GATAD2A: variants seen among roughly 807,000 people sequenced by gnomAD.
GATAD2A encodes transcriptional repressor p66-alpha.
GATAD2A carries 12 observed loss-of-function variants against 68.5 expected under a neutral mutation model. The observed-to-expected ratio is 0.18, with a 90% confidence interval of 0.11 to 0.28. The LOEUF is 0.28. Among genes scored for constraint, GATAD2A ranks in the 10% least tolerant of loss-of-function variants. The pLI, the probability that GATAD2A is intolerant of heterozygous loss-of-function variation, is 1.00. For synonymous variants in GATAD2A, 410 were observed against 375.3 expected (o/e 1.09, Z -1.07); for missense variants, 755 against 868.5 (o/e 0.87, Z 1.64).
chr19:19,475,054 G>T (rs1291353432), intron 2 of GATAD2A, among the ~76,000 whole-genome samples: 1 of 152,254 alleles, frequency 6.6e-6, no homozygotes, highest in East Asian at 1.9e-4. Context: ...TATCATCGTT[G>T]TGTTGGCTGC....
At chr19:19,400,895 C>G (rs1468518747), upstream of GATAD2A, among the ~76,000 whole-genome samples, 1 of 152,078 alleles carries the variant, frequency 6.6e-6, no homozygotes, top group Admixed American at 6.6e-5. Flanking sequence ...TGCCTGTAAT[C>G]CCAGCACTTT....
intron 2 of GATAD2A, among the ~76,000 whole-genome samples, chr19:19,480,358 C>T (rs1300138950): frequency 6.6e-6 from 1 of 152,164 alleles, no homozygotes; most frequent in Admixed American, 6.5e-5. Flanking sequence ...ACCACCTATC[C>T]GTTGGGAAGT....
intron 3 of GATAD2A, 26 bp from the exon 4 acceptor site, chr19:19,492,555 C>T: frequency 5.0e-6 from 8 of 1,613,894 alleles, no homozygotes; most frequent in Non-Finnish European, 6.8e-6. Flanking sequence ...CGCTCCCTCT[C>T]AACCCTGTTC....
chr19:19,468,561 C>T (rs1184498214), intron 2 of GATAD2A, among the ~76,000 whole-genome samples: 2 of 151,956 alleles, frequency 1.3e-5, no homozygotes, highest in Non-Finnish European at 2.9e-5. Flanking sequence ...TTGAAAGTAG[C>T]AAAAGAAAAA....
rs549576557 is a variant in GATAD2A at position 19,507,891 on chromosome 19, T to G, written c.*2417T>G. On this transcript the variant is annotated 3_prime_UTR_variant, in exon 12 of 12. Coordinates refer to ENST00000683918, the MANE Select transcript of GATAD2A (RefSeq NM_001384528.1). ...CCTCTACGATAAGCCCCAAGCGGGT[T>G]GTTGTATTATGACGTTTATGATGTT... 1.4e-4 allele frequency: 21 copies of G among 152,304 alleles called. No homozygotes were observed. Among genetic ancestry groups the G allele is most frequent in the Admixed American group, 1.2e-3 (18 of 15,308 alleles). 9.4% of individuals were successfully genotyped at this position (152,304 alleles called of 1,614,324 possible).
chr19:19,388,540 C>T (rs1224653844), intron 1 of GATAD2A, among the ~76,000 whole-genome samples: 1 of 151,994 alleles, frequency 6.6e-6, no homozygotes, highest in African/African-American at 2.4e-5. Flanking sequence ...ATGATTTCCT[C>T]ATGTCCCTCT....
At position 19,505,050 on chromosome 19, in the gene GATAD2A, T is replaced by G. The variant is rs539199979; in HGVS notation, c.1775-294T>G. ...TCTAAGCAGCACCGTGGTCAGCACC[T>G]TCATTTCTGTAGAACGTAGGTAGCT... On this transcript the variant is annotated intron_variant, in intron 11 of 11. Coordinates refer to ENST00000683918, the MANE Select transcript of GATAD2A (RefSeq NM_001384528.1). 1.8e-4 allele frequency among the ~76,000 whole-genome samples: 27 copies of G among 152,376 alleles called. 1 individual carries two copies. The South Asian group carries it at 5.0e-3, about 28-fold the overall frequency.
At chr19:19,492,980 C>T (rs1015661889) in intron 4 of GATAD2A, among the ~76,000 whole-genome samples, 2 of 145,648 alleles carry the variant, frequency 1.4e-5, no homozygotes, top group Non-Finnish European at 3.0e-5. Flanking sequence ...CTCACTCTGT[C>T]GCCAGGCTGG....
chr19:19,495,440 C>T (rs1424178442), intron 5 of GATAD2A, among the ~76,000 whole-genome samples: 1 of 152,070 alleles, frequency 6.6e-6, no homozygotes, highest in Non-Finnish European at 1.5e-5. Flanking sequence ...TTCTGAGTAG[C>T]TGGGACTACA....
chr19:19,453,680 A>AT (rs36010983), intron 1 of GATAD2A, among the ~76,000 whole-genome samples: 34,241 of 142,954 alleles, frequency 0.24, 4,645 homozygotes, highest in African/African-American at 0.39. Context: ...TTTTTTTAAA[A>AT]TTTTTTTTTT....
intron 5 of GATAD2A, 111 bp from the exon 6 acceptor site, chr19:19,495,643 A>G (rs2060094550): frequency 7.0e-6 from 7 of 1,001,146 alleles, no homozygotes; most frequent in Middle Eastern, 3.2e-4. Flanking sequence ...TTAAAAAAAA[A>G]AAAAAAAAAA....
At chr19:19,416,288 A>G (rs1229865603) in intron 1 of GATAD2A, among the ~76,000 whole-genome samples, 1 of 152,088 alleles carries the variant, frequency 6.6e-6, no homozygotes, top group Non-Finnish European at 1.5e-5. Context: ...GGGCCTTAAC[A>G]CTGCCAAGGA....
chr19:19,452,217 C>T (rs1215774957), intron 1 of GATAD2A, among the ~76,000 whole-genome samples: 1 of 152,166 alleles, frequency 6.6e-6, no homozygotes, highest in Non-Finnish European at 1.5e-5. Context: ...GTCAGATGCT[C>T]TTACTTCATG....
chr19:19,443,724 A>G (rs1242239521), intron 1 of GATAD2A, among the ~76,000 whole-genome samples: 1 of 152,094 alleles, frequency 6.6e-6, no homozygotes, highest in African/African-American at 2.4e-5. Flanking sequence ...TCCTTAAAGA[A>G]AAGTGTGAAA....
rs1395437693 is a variant in GATAD2A at position 19,436,071 on chromosome 19, AG to A, written c.-6-29268del. The A allele has an allele frequency of 2.1e-5, 18 of 845,380 alleles. 1 individual carries two copies. In the East Asian group the frequency reaches 9.4e-4, roughly 44 times the overall value. The allele number at this position is 845,380 out of a possible 1,614,324, so 52.4% of individuals were successfully genotyped here. A position where few individuals can be genotyped will look rare whatever the true frequency, so the allele number is the denominator to read the frequency against. On this transcript the variant is annotated intron_variant, in intron 1 of 11. Coordinates refer to ENST00000683918, the MANE Select transcript of GATAD2A (RefSeq NM_001384528.1). ...GGGTTAGAGACATTTTAGAAATGCC[AG>A]TATGTTCCAGAAACCTTGCTTGGAA...
chr19:19,464,166 G>A (rs1055217840), intron 1 of GATAD2A, among the ~76,000 whole-genome samples: 4 of 152,214 alleles, frequency 2.6e-5, no homozygotes, highest in African/African-American at 9.6e-5. Context: ...TGAGGACACA[G>A]ATAGGACCAG....
intron 1 of GATAD2A, among the ~76,000 whole-genome samples, chr19:19,455,397 G>A (rs888208949): frequency 6.6e-6 from 1 of 152,126 alleles, no homozygotes; most frequent in Non-Finnish European, 1.5e-5. Context: ...GGCCGAGGCA[G>A]GAGAATTGCT....
chr19:19,424,742 C>T (rs1317534688), intron 1 of GATAD2A, among the ~76,000 whole-genome samples: 1 of 152,150 alleles, frequency 6.6e-6, no homozygotes, highest in African/African-American at 2.4e-5. Flanking sequence ...AGCGACTGTG[C>T]TGTGCATTGG....
At chr19:19,471,116 TGTG>T (rs754618973) in intron 2 of GATAD2A, among the ~76,000 whole-genome samples, 5 of 152,010 alleles carry the variant, frequency 3.3e-5, no homozygotes, top group Non-Finnish European at 7.4e-5. Flanking sequence ...ATTTGCCTGG[TGTG>T]GTGGCGTGCA....
Sources: allele counts gnomAD v4.1 joint callset (sites outside exome capture counted in the v4.1 genomes callset), GRCh38; gene constraint gnomAD v4.1.1; transcripts MANE v1.5; gene names NCBI Gene and HGNC (gene_info 2026-07-23, HGNC 2026-07-21).